NHS: variants seen among roughly 807,000 people sequenced by gnomAD.
NHS encodes NHS actin remodeling regulator.
NHS carries 5 observed loss-of-function variants against 72.5 expected under a neutral mutation model. The ratio of observed to expected loss-of-function variants is 0.07; its 90% CI spans 0.04 to 0.14. The LOEUF (loss-of-function observed/expected upper bound fraction) is 0.14, where lower values mean the gene tolerates loss of function less well. Ranked by LOEUF, NHS falls within the 10% of genes least tolerant of loss-of-function variation. The pLI, the probability that NHS is intolerant of heterozygous loss-of-function variation, is 1.00. For synonymous variants in NHS, 464 were observed against 547.7 expected (o/e 0.85, Z 2.13); for missense variants, 1,072 against 1,355.7 (o/e 0.79, Z 3.29).
At chrX:17,692,783 G>A (rs1247869108) in intron 3 of NHS, among the ~76,000 whole-genome samples, 1 of 110,422 alleles carries the variant, frequency 9.1e-6, no homozygotes, top group African/African-American at 3.3e-5. Context: ...ATTCAGGATA[G>A]GTTACTTATG....
rs2065041769 is a variant in NHS at position 17,502,786 on chromosome X, CT to C, written c.565+126465del. On this transcript the variant is annotated intron_variant, in intron 1 of 8. Coordinates refer to ENST00000676302, the MANE Select transcript of NHS (RefSeq NM_001291867.2). Reference sequence around the variant, plus strand: ...CCTGGGCGACAGAGCGAGACTCCGTCTCAAAAAAAAAAAAAAAAAAAAAAGA... The same window carrying C: ...CCTGGGCGACAGAGCGAGACTCCGTCCAAAAAAAAAAAAAAAAAAAAAAGA... Among the ~76,000 whole-genome samples the C allele has an allele frequency of 1.8e-4, 2 of 11,186 alleles. 1 individual carries two copies. The highest frequency in any genetic ancestry group is 5.0e-4 in the African/African-American group (2 of 4,040). The allele number at this position is 11,186 out of a possible 115,157, so 9.7% of individuals were successfully genotyped here.
At chrX:17,463,367 G>A (rs1266057490) in intron 1 of NHS, among the ~76,000 whole-genome samples, 1 of 109,404 alleles carries the variant, frequency 9.1e-6, no homozygotes, top group African/African-American at 3.4e-5. Context: ...TGGTATAATG[G>A]TGGGGTTTTT....
chrX:17,568,142 C>G (rs1225328279), intron 1 of NHS, among the ~76,000 whole-genome samples: 1 of 112,088 alleles, frequency 8.9e-6, no homozygotes, highest in East Asian at 2.8e-4. Context: ...TTCCCACCCT[C>G]CTGGCCTCTT....
At chrX:17,536,550 C>T (rs1348538772) in intron 1 of NHS, among the ~76,000 whole-genome samples, 5 of 112,402 alleles carry the variant, frequency 4.4e-5, no homozygotes, top group Admixed American at 9.4e-5. Context: ...GTTGCTCCTT[C>T]TGAGTCAGAG....
At chrX:17,715,002 CTTTAT>C (rs2066356456) in intron 3 of NHS, among the ~76,000 whole-genome samples, 2 of 112,190 alleles carry the variant, frequency 1.8e-5, no homozygotes, top group Non-Finnish European at 3.8e-5. Flanking sequence ...AAAGAGGATG[CTTTAT>C]TTTATTTTTA....
chrX:17,610,375 G>T (rs2065704266), intron 1 of NHS, among the ~76,000 whole-genome samples: 2 of 112,258 alleles, frequency 1.8e-5, no homozygotes, highest in Non-Finnish European at 3.8e-5. Context: ...CAGTTGCCCT[G>T]GGACTGATCA....
chrX:17,404,898 CT>C (rs2146854635), intron 1 of NHS, among the ~76,000 whole-genome samples: 1 of 110,574 alleles, frequency 9.0e-6, no homozygotes, highest in East Asian at 2.8e-4. Flanking sequence ...AAACTGGAAA[CT>C]TCATAGGATC....
intron 1 of NHS, among the ~76,000 whole-genome samples, chrX:17,413,445 G>A (rs1432242206): frequency 8.9e-6 from 1 of 111,945 alleles, no homozygotes; most frequent in Non-Finnish European, 1.9e-5. Context: ...CTTTTGTTAT[G>A]AGTCATTCTC....
chrX:17,583,900 G>A (rs1404793985), intron 1 of NHS, among the ~76,000 whole-genome samples: 1 of 112,289 alleles, frequency 8.9e-6, no homozygotes, highest in Non-Finnish European at 1.9e-5. Context: ...TTTCCAAAAT[G>A]GAGCTTATTA....
intron 1 of NHS, among the ~76,000 whole-genome samples, chrX:17,648,556 C>T (rs758581903): frequency 3.1e-4 from 35 of 112,301 alleles, no homozygotes; most frequent in Admixed American, 8.5e-4. Context: ...ACCGTAATAA[C>T]GAAGCACCTG....
At chrX:17,411,443 G>T (rs1373318711) in intron 1 of NHS, among the ~76,000 whole-genome samples, 1 of 111,555 alleles carries the variant, frequency 9.0e-6, no homozygotes, top group Non-Finnish European at 1.9e-5. Flanking sequence ...GAATGTGACA[G>T]CCTGCATCTA....
chrX:17,570,685 G>A (rs1400172373), intron 1 of NHS, among the ~76,000 whole-genome samples: 9 of 111,464 alleles, frequency 8.1e-5, no homozygotes, highest in Non-Finnish European at 1.7e-4. Context: ...TGATTGCCCT[G>A]GCCAGAACTT....
At position 17,520,013 on chromosome X, in the gene NHS, T is replaced by A. The variant is rs188462980; in HGVS notation, c.565+143691T>A. ...TGATTTAATGAGCAAATGTCAAGAC[T>A]TACATTTCTGTTTCCAGGAACTAGT... On this transcript the variant is annotated intron_variant, in intron 1 of 8. Transcript: ENST00000676302. 3.3e-5 allele frequency among the ~76,000 whole-genome samples: 3 copies of A among 91,793 alleles called. No individual in the cohort carries two copies. The East Asian group carries it at 1.2e-3, about 37-fold the overall frequency. 79.7% of individuals were successfully genotyped at this position (91,793 alleles called of 115,157 possible).
At chrX:17,512,348 A>G (rs1026324164) in intron 1 of NHS, among the ~76,000 whole-genome samples, 1 of 112,418 alleles carries the variant, frequency 8.9e-6, no homozygotes, top group African/African-American at 3.2e-5. Context: ...AAAAATGCAT[A>G]AGTACAAAAA....
chrX:17,538,837 T>C (rs1468565589), intron 1 of NHS, among the ~76,000 whole-genome samples: 1 of 112,174 alleles, frequency 8.9e-6, no homozygotes, highest in African/African-American at 3.2e-5. Context: ...TACACTTCTC[T>C]TCTTCCTGGG....
chrX:17,438,729 G>A (rs2064736288), intron 1 of NHS, among the ~76,000 whole-genome samples: 1 of 111,956 alleles, frequency 8.9e-6, no homozygotes, highest in African/African-American at 3.3e-5. Context: ...AAATGGGGAT[G>A]TCTTCAGCAA....
intron 1 of NHS, among the ~76,000 whole-genome samples, chrX:17,419,629 A>C (rs2064613680): frequency 9.0e-6 from 1 of 110,667 alleles, no homozygotes; most frequent in African/African-American, 3.3e-5. Context: ...GAAAGAGAGA[A>C]TATTTCTAGA....
chrX:17,413,311 G>A (rs762909869), intron 1 of NHS, among the ~76,000 whole-genome samples: 51 of 112,251 alleles, frequency 4.5e-4, no homozygotes, highest in African/African-American at 1.6e-3. Context: ...ATGTAGCGTT[G>A]TCATTGTTAT....
intron 1 of NHS, among the ~76,000 whole-genome samples, chrX:17,469,437 G>A (rs943549064): frequency 1.3e-4 from 15 of 111,628 alleles, no homozygotes; most frequent in Non-Finnish European, 2.6e-4. Flanking sequence ...TTTCAGGACT[G>A]GAGGAGGCCC....
Sources: gnomAD v4.1 joint callset for allele counts (sites outside exome capture counted in the v4.1 genomes callset) on GRCh38, gnomAD v4.1.1 for gene constraint, MANE v1.5 for transcripts, NCBI Gene and HGNC (gene_info 2026-07-23, HGNC 2026-07-21) for gene names.